Variants in PKIB observed in about 807,000 individuals in gnomAD.
PKIB encodes the protein PKI-beta.
A neutral mutation model predicts 4.5 loss-of-function variants in PKIB; 2 were observed. The observed-to-expected ratio is 0.44, with a 90% CI of 0.18 to 1.39. The LOEUF is 1.39. PKIB is among the 40% of genes most tolerant of loss of function. PKIB has a pLI of 0.27. For missense variants in PKIB, 94 were observed against 92.6 expected, an observed-to-expected ratio of 1.02 and a Z score of -0.06; for synonymous variants, 38 against 36.0, an observed-to-expected ratio of 1.06 and a Z score of -0.20.
chr6:122,652,285 TGTTG>T (rs1776584060), intron 2 of PKIB, among the ~76,000 whole-genome samples: 1 of 81,950 alleles, frequency 1.2e-5, no homozygotes, highest in African/African-American at 4.7e-5. Context: ...TGTGCATATA[TGTTG>T]GTTTGTGTGT....
intron 2 of PKIB, among the ~76,000 whole-genome samples, chr6:122,634,777 A>C (rs1032395640): frequency 8.5e-5 from 13 of 152,178 alleles, no homozygotes; most frequent in Middle Eastern, 3.4e-3. Context: ...TCTAAAAATA[A>C]AAAAATACAA....
intron 2 of PKIB, chr6:122,483,933 G>C (rs1299301493): frequency 6.6e-6 from 1 of 152,138 alleles, no homozygotes; most frequent in Non-Finnish European, 1.5e-5. Flanking sequence ...AGTAATCCTT[G>C]TGCCAAAGTG....
chr6:122,686,958 C>A (rs1054568437), intron 3 of PKIB, among the ~76,000 whole-genome samples: 15 of 152,122 alleles, frequency 9.9e-5, no homozygotes, highest in Non-Finnish European at 2.1e-4. Flanking sequence ...TGTGAAGAAG[C>A]TTTTTAACCT....
At chr6:122,476,654 T>C (rs1417364662) in intron 1 of PKIB, among the ~76,000 whole-genome samples, 1 of 152,166 alleles carries the variant, frequency 6.6e-6, no homozygotes, top group African/African-American at 2.4e-5. Context: ...AAGGAAATAT[T>C]CACTGTGTAA....
At chr6:122,720,435 A>G (rs1248054912) in intron 4 of PKIB, among the ~76,000 whole-genome samples, 6 of 152,266 alleles carry the variant, frequency 3.9e-5, no homozygotes, top group Middle Eastern at 3.4e-3. Context: ...GGCAGAATCA[A>G]TAGGACTTGC....
intron 2 of PKIB, among the ~76,000 whole-genome samples, chr6:122,567,079 C>T (rs1773216738): frequency 6.6e-6 from 1 of 152,168 alleles, no homozygotes. Context: ...TAGGCTGTCA[C>T]CAGCTGTGGT....
intron 2 of PKIB, chr6:122,493,417 G>A (rs1775990893): frequency 6.6e-6 from 1 of 152,210 alleles, no homozygotes. Flanking sequence ...TTAAATTTCT[G>A]TTGTTTATAA....
At chr6:122,645,789 G>A (rs1374901467) in intron 2 of PKIB, among the ~76,000 whole-genome samples, 1 of 152,196 alleles carries the variant, frequency 6.6e-6, no homozygotes, top group Non-Finnish European at 1.5e-5. Flanking sequence ...GGATTGGAAG[G>A]ATACTGGAGC....
At chr6:122,545,107 A>G (rs137899369) in intron 2 of PKIB, among the ~76,000 whole-genome samples, 1 of 152,238 alleles carries the variant, frequency 6.6e-6, no homozygotes, top group East Asian at 1.9e-4. Flanking sequence ...TTAAAATAGA[A>G]TTAACATTTA....
intron 2 of PKIB, among the ~76,000 whole-genome samples, chr6:122,566,974 G>C (rs151122869): frequency 0.022 from 3,396 of 152,230 alleles, 67 homozygotes; most frequent in Admixed American, 0.044. Flanking sequence ...CTGCAGCCTT[G>C]AACTCCTGGC....
intron 3 of PKIB, among the ~76,000 whole-genome samples, chr6:122,714,392 T>C (rs1779396854): frequency 6.6e-6 from 1 of 152,214 alleles, no homozygotes; most frequent in East Asian, 1.9e-4. Context: ...CTGTTTTCGA[T>C]CTTAAAATAG....
intron 1 of PKIB, among the ~76,000 whole-genome samples, chr6:122,627,017 G>T (rs1775474647): frequency 6.7e-6 from 1 of 149,078 alleles, no homozygotes; most frequent in Non-Finnish European, 1.5e-5. Flanking sequence ...GGTGGATCAC[G>T]AGGTCAGGAG....
At chr6:122,586,002 T>C (rs1773836771) in exon 3 of PKIB, 1 of 152,178 alleles carries the variant, frequency 6.6e-6, no homozygotes, top group Admixed American at 6.6e-5. Flanking sequence ...ATACTTCCTA[T>C]GGAAGGTAAC....
rs1773610687 is a variant in PKIB, at chr6:122,578,388, G to A, written c.-247-7533G>A. ...ACCTTTCCTTTTCGGTATCTTTCAA[G>A]CATTTTGAATTCTACGTGTTCAAAA... On this transcript the variant is annotated intron_variant, in intron 2 of 6. Coordinates refer to the PKIB transcript ENST00000392491. Among the ~76,000 whole-genome samples the A allele has an allele frequency of 2.0e-5, 3 of 151,956 alleles. No individual in the cohort carries two copies. The South Asian group carries it at 6.2e-4, about 32-fold the overall frequency.
intron 3 of PKIB, among the ~76,000 whole-genome samples, chr6:122,682,658 A>G (rs1339274387): frequency 6.6e-6 from 1 of 151,982 alleles, no homozygotes; most frequent in East Asian, 1.9e-4. Flanking sequence ...AGATTCTATT[A>G]ATCTATCCTG....
At chr6:122,637,192 A>G (rs905787961) in intron 2 of PKIB, among the ~76,000 whole-genome samples, 3 of 152,220 alleles carry the variant, frequency 2.0e-5, no homozygotes, top group African/African-American at 4.8e-5. Context: ...GATTGTAGAT[A>G]TATTAAAACT....
At chr6:122,571,725 C>T (rs1773372336) in intron 2 of PKIB, among the ~76,000 whole-genome samples, 1 of 152,132 alleles carries the variant, frequency 6.6e-6, no homozygotes, top group African/African-American at 2.4e-5. Flanking sequence ...ACAATAAATG[C>T]TAAATGGAGT....
chr6:122,522,883 T>C (rs1381660044), intron 2 of PKIB, among the ~76,000 whole-genome samples: 1 of 152,236 alleles, frequency 6.6e-6, no homozygotes, highest in Non-Finnish European at 1.5e-5. Context: ...ATAGCATTTT[T>C]ATATTATAGA....
intron 2 of PKIB, among the ~76,000 whole-genome samples, chr6:122,649,120 T>C (rs1303809094): frequency 6.6e-6 from 1 of 152,246 alleles, no homozygotes; most frequent in Non-Finnish European, 1.5e-5. Flanking sequence ...TTATGTTCTA[T>C]GTCCATTTAG....
Sources: allele counts gnomAD v4.1 joint callset (sites outside exome capture counted in the v4.1 genomes callset), GRCh38; gene constraint gnomAD v4.1.1; transcripts MANE v1.5; gene names NCBI Gene and HGNC (gene_info 2026-07-23, HGNC 2026-07-21).